Variants in WDFY4 observed in about 807,000 individuals in gnomAD.
WDFY4 encodes the protein WDFY family member 4.
Under a neutral mutation model 351.9 loss-of-function variants are expected in WDFY4, and 169 were observed. The observed-to-expected ratio is 0.48, with a 90% CI of 0.42 to 0.55. The LOEUF is 0.55. Among genes scored for constraint, WDFY4 ranks in the 20% least tolerant of loss-of-function variants. The probability of loss-of-function intolerance (pLI) is 0.00; values close to 1 mark genes in which losing one functional copy is unlikely to be tolerated. For synonymous variants in WDFY4, 1,622 were observed against 1,574.6 expected, an observed-to-expected ratio of 1.03 and a Z score of -0.71; for missense variants, 3,803 against 3,935.6, an observed-to-expected ratio of 0.97 and a Z score of 0.90.
chr10:48,970,548 A>G (rs1315755156), intron 57 of WDFY4, among the ~76,000 whole-genome samples: 3 of 152,242 alleles, frequency 2.0e-5, no homozygotes, highest in African/African-American at 4.8e-5. Flanking sequence ...AGGTGCCTCC[A>G]CAGAGGCCCA....
In WDFY4 at chr10:48,806,780, CTA is replaced by C. The variant is rs575348279; in HGVS notation, c.4738+686_4738+687del. On this transcript the variant is annotated intron_variant, in intron 27 of 61. Transcript: ENST00000325239. The stretch of plus-strand genomic sequence containing the variant: ...TCTGCACTGTCCAAGACGAGAGCCC[CTA>C]AGCCACATATAGCCATTTAAATTCA... Among the ~76,000 whole-genome samples the C allele has an allele frequency of 3.3e-5, 5 of 152,270 alleles. No homozygotes were observed. In the South Asian group the frequency reaches 1.0e-3, roughly 32 times the overall value.
At chr10:48,893,643 A>G (rs903525246) in intron 44 of WDFY4, among the ~76,000 whole-genome samples, 2 of 152,202 alleles carry the variant, frequency 1.3e-5, no homozygotes, top group African/African-American at 4.8e-5. Flanking sequence ...TGTGGACTAA[A>G]TCGGGTAGAG....
At chr10:48,787,869 TTCTTCTTTCTTTCTTCTTCTTCTC>T (rs1182642523) in intron 20 of WDFY4, among the ~76,000 whole-genome samples, 14 of 106,746 alleles carry the variant, frequency 1.3e-4, no homozygotes, top group African/African-American at 6.5e-4. Context: ...TTCTTCTTCT[TTCTTCTTTCTTTCTTCTTCTTCTC>T]CTTCTTCTTC....
intron 43 of WDFY4, among the ~76,000 whole-genome samples, chr10:48,885,281 A>C (rs1395602413): frequency 6.6e-6 from 1 of 152,196 alleles, no homozygotes; most frequent in East Asian, 1.9e-4. Context: ...CTAACTTTTC[A>C]AATAAATGCC....
At chr10:48,973,467 G>A (rs1842421164) in intron 57 of WDFY4, among the ~76,000 whole-genome samples, 1 of 152,250 alleles carries the variant, frequency 6.6e-6, no homozygotes, top group African/African-American at 2.4e-5. Context: ...ACCGGGCAAA[G>A]TGACAGCTTT....
intron 23 of WDFY4, 39 bp downstream of exon 23, chr10:48,790,956 A>C: frequency 6.5e-7 from 1 of 1,547,674 alleles, no homozygotes; most frequent in Admixed American, 2.0e-5. Context: ...GACTCCTGAA[A>C]GGGCTGTCAT....
At chr10:48,916,627 C>T (rs942197154) in intron 47 of WDFY4, among the ~76,000 whole-genome samples, 3 of 152,114 alleles carry the variant, frequency 2.0e-5, no homozygotes, top group Non-Finnish European at 4.4e-5. Context: ...ACCAAAAAGT[C>T]GGGGGAGAAG....
intron 47 of WDFY4, among the ~76,000 whole-genome samples, chr10:48,929,824 A>C (rs959614003): frequency 2.0e-5 from 3 of 152,118 alleles, no homozygotes; most frequent in Non-Finnish European, 1.5e-5. Flanking sequence ...CCTCCTGTGG[A>C]TACTCAGGGC....
intron 35 of WDFY4, 74 bp from the exon 36 acceptor site, chr10:48,826,597 G>A: frequency 8.4e-7 from 1 of 1,184,134 alleles, no homozygotes; most frequent in East Asian, 2.6e-5. Context: ...TATTTTTGTG[G>A]TAAACTGGAT....
intron 39 of WDFY4, among the ~76,000 whole-genome samples, chr10:48,852,673 A>C: frequency 6.6e-6 from 1 of 152,088 alleles, no homozygotes; most frequent in East Asian, 1.9e-4. Context: ...CTCTCCGTGC[A>C]CCAGCTACAG....
At chr10:48,822,339 C>A in intron 34 of WDFY4, 41 bp from the exon 35 acceptor site, 1 of 1,490,020 alleles carries the variant, frequency 6.7e-7, no homozygotes, top group South Asian at 1.4e-5. Flanking sequence ...GGACAGAAGT[C>A]CATTTAGACT....
intron 43 of WDFY4, among the ~76,000 whole-genome samples, chr10:48,877,583 C>T (rs541586156): frequency 6.6e-6 from 1 of 152,350 alleles, no homozygotes; most frequent in South Asian, 2.1e-4. Context: ...AGAGGTCCCA[C>T]ACCTTGAGGG....
chr10:48,970,568 G>A (rs989197458), intron 57 of WDFY4, among the ~76,000 whole-genome samples: 2 of 152,234 alleles, frequency 1.3e-5, no homozygotes, highest in African/African-American at 2.4e-5. Context: ...ACACCTTAGC[G>A]AGAGATGCCG....
intron 47 of WDFY4, among the ~76,000 whole-genome samples, chr10:48,905,925 G>GCTC (rs1837593263): frequency 6.6e-6 from 1 of 152,216 alleles, no homozygotes; most frequent in Non-Finnish European, 1.5e-5. Flanking sequence ...CTTGCTCTCA[G>GCTC]CTCCTCGGAG....
intron 52 of WDFY4, among the ~76,000 whole-genome samples, chr10:48,957,681 A>T (rs1382999006): frequency 1.3e-5 from 2 of 151,958 alleles, no homozygotes; most frequent in Non-Finnish European, 2.9e-5. Flanking sequence ...GTTCATGTGG[A>T]CTCCAAGGGC....
intron 48 of WDFY4, among the ~76,000 whole-genome samples, chr10:48,942,240 C>T (rs529176867): frequency 4.6e-5 from 7 of 152,222 alleles, no homozygotes; most frequent in Non-Finnish European, 1.0e-4. Flanking sequence ...GCTGAGATTA[C>T]AGGCATGAGC....
rs114604830 is a variant in WDFY4 at position 48,806,387 on chromosome 10, T to C, written c.4738+292T>C. ...TCCGGGATCCTGCCTCACTTCCTGG[T>C]TGAACCCCCACTACCCCTTACTTTC... is the stretch of plus-strand genomic sequence containing the variant. On this transcript the variant is annotated intron_variant, in intron 27 of 61. Coordinates refer to ENST00000325239, the MANE Select transcript of WDFY4 (RefSeq NM_001394531.1). Among the ~76,000 whole-genome samples, 756 of 152,340 alleles carry C rather than the reference T, an allele frequency of 5.0e-3. 6 individuals carry two copies. Among genetic ancestry groups the C allele is most frequent in the African/African-American group, 0.017 (719 of 41,566 alleles).
chr10:48,841,991 G>A (rs180977243), intron 39 of WDFY4, among the ~76,000 whole-genome samples: 80 of 152,146 alleles, frequency 5.3e-4, no homozygotes, highest in African/African-American at 1.6e-3. Flanking sequence ...TGAAGATGCC[G>A]GACCACTTGA....
intron 47 of WDFY4, among the ~76,000 whole-genome samples, chr10:48,934,334 A>G (rs911906851): frequency 3.3e-5 from 5 of 152,214 alleles, no homozygotes; most frequent in Non-Finnish European, 5.9e-5. Context: ...ACCACCCACT[A>G]TAGGCCAAGT....
Sources: gnomAD v4.1 joint callset for allele counts (sites outside exome capture counted in the v4.1 genomes callset) on GRCh38, gnomAD v4.1.1 for gene constraint, MANE v1.5 for transcripts, NCBI Gene and HGNC (gene_info 2026-07-23, HGNC 2026-07-21) for gene names.